PCDHA5: variants seen among roughly 807,000 people sequenced by gnomAD.
PCDHA5 encodes protocadherin alpha-5.
A neutral mutation model predicts 61.6 loss-of-function variants in PCDHA5; 43 were observed. The ratio of observed to expected loss-of-function variants is 0.70; its 90% CI spans 0.55 to 0.90. The LOEUF (loss-of-function observed/expected upper bound fraction) is 0.90. PCDHA5 is among the 40% of genes least tolerant of loss of function. The pLI is 0.00. For missense variants in PCDHA5, 1,298 were observed against 1,222.7 expected (o/e 1.06, Z -0.92); for synonymous variants, 627 against 543.9 (o/e 1.15, Z -2.13).
chr5:140,835,875 C>T (rs1356053208), intron 1 of PCDHA5: 3 of 1,611,846 alleles, frequency 1.9e-6, no homozygotes, highest in African/African-American at 2.7e-5. Flanking sequence ...GGTGGAGCTG[C>T]GGGTGGGCGA....
In PCDHA5 at chr5:140,921,062, C is replaced by T. The variant is rs377176575; in HGVS notation, c.2353-57887C>T. 1.3e-4 allele frequency among the ~76,000 whole-genome samples: 20 copies of T among 151,872 alleles called. No homozygotes were observed. The South Asian group carries it at 4.2e-3, about 32-fold the overall frequency. The stretch of plus-strand genomic sequence containing the variant: ...TGGGGCAATCATAGCTCACTCTAAC[C>T]TTGAACTCTTGGGCTCAAGAGAATC... On this transcript the variant is annotated intron_variant, in intron 1 of 3. Coordinates refer to ENST00000529859, the MANE Select transcript of PCDHA5 (RefSeq NM_018908.3).
At chr5:140,863,770 G>C (rs953823411) in intron 1 of PCDHA5, 1 of 240,010 alleles carries the variant, frequency 4.2e-6, no homozygotes, top group African/African-American at 2.3e-5. Context: ...AAGCCGAGGC[G>C]GGCGGATCAC....
intron 1 of PCDHA5, among the ~76,000 whole-genome samples, chr5:140,893,236 T>C (rs1554185562): frequency 6.6e-6 from 1 of 152,236 alleles, no homozygotes. Flanking sequence ...TTTGACATAC[T>C]GGTTTCCTTT....
At chr5:140,834,528 G>A (rs2150220380) in intron 1 of PCDHA5, 2 of 1,614,086 alleles carry the variant, frequency 1.2e-6, no homozygotes, top group Non-Finnish European at 8.5e-7. Context: ...GGGCCGCATC[G>A]CGCAGGACCT....
At chr5:140,844,047 C>T (rs2150368498) in intron 1 of PCDHA5, among the ~76,000 whole-genome samples, 3 of 149,604 alleles carry the variant, frequency 2.0e-5, no homozygotes, top group East Asian at 1.9e-4. Context: ...TGAAAGTATT[C>T]CCCCAAAGCG....
intron 1 of PCDHA5, among the ~76,000 whole-genome samples, chr5:140,970,086 G>T (rs1263388270): frequency 6.6e-6 from 1 of 152,102 alleles, no homozygotes; most frequent in Non-Finnish European, 1.5e-5. Flanking sequence ...TTAGGGGTGT[G>T]GGGGGATGGT....
chr5:140,887,043 A>G (rs1459489169), intron 1 of PCDHA5, among the ~76,000 whole-genome samples: 1 of 151,986 alleles, frequency 6.6e-6, no homozygotes, highest in Admixed American at 6.6e-5. Context: ...TATTTTTTAT[A>G]GTGCATATGT....
At chr5:140,913,212 T>G (rs113766408) in intron 1 of PCDHA5, among the ~76,000 whole-genome samples, 11,533 of 152,278 alleles carry the variant, frequency 0.076, 607 homozygotes, top group Non-Finnish European at 0.12. Flanking sequence ...AGCCAATGGG[T>G]CCCAGGCTTT....
At chr5:140,830,476 T>C in intron 1 of PCDHA5, 1 of 1,551,430 alleles carries the variant, frequency 6.4e-7, no homozygotes, top group Non-Finnish European at 8.7e-7. Flanking sequence ...ATGAAGATCA[T>C]GATGCCAAAG....
chr5:140,911,583 G>C (rs1245667621), intron 1 of PCDHA5, among the ~76,000 whole-genome samples: 4 of 152,150 alleles, frequency 2.6e-5, no homozygotes, highest in African/African-American at 7.2e-5. Context: ...GTGAACTTAG[G>C]AGGAACCAAC....
At chr5:140,884,496 G>T (rs782182672) in intron 1 of PCDHA5, 1 of 1,614,094 alleles carries the variant, frequency 6.2e-7, no homozygotes, top group Non-Finnish European at 8.5e-7. Flanking sequence ...GTGTGCTCCA[G>T]CGCGGCAGGG....
chr5:140,872,909 G>A (rs1214412416), intron 1 of PCDHA5, among the ~76,000 whole-genome samples: 7 of 152,076 alleles, frequency 4.6e-5, no homozygotes, highest in African/African-American at 1.7e-4. Flanking sequence ...GCTCTATCTT[G>A]TAATGCCTTA....
chr5:140,823,650 G>C lies in PCDHA5; in HGVS notation c.1875G>C (p.Leu625=). ...CGCGCATCCCGTTCCGCGTGGGGCT[G>C]TACACAGGCGAGATCAGCACAACAC... ...GSARIPFRVG[L]YTGEISTTRS... The change falls in exon 1 of 4, where the codon CTG becomes CTC. Residue 625 remains leucine, a synonymous_variant. Coordinates refer to ENST00000529859, the MANE Select transcript of PCDHA5 (RefSeq NM_018908.3). The C allele has an allele frequency of 6.2e-7, 1 of 1,613,996 alleles. No individual in the cohort carries two copies. Among genetic ancestry groups the C allele is most frequent in the Non-Finnish European group, 8.5e-7 (1 of 1,179,910 alleles).
In PCDHA5 at chr5:140,823,716, G is replaced by T. The variant is rs2150128476; in HGVS notation, c.1941G>T (p.Leu647=). The change falls in exon 1 of 4, where the codon CTG becomes CTT. Residue 647 remains leucine (L), a synonymous_variant. Transcript: ENST00000529859. ...DETEAPRHRL[L]VLVKDHGEPP... ...CCGAAGCACCGCGCCACCGCCTTCT[G>T]GTGCTGGTGAAGGACCATGGAGAGC... The T allele has an allele frequency of 1.2e-6, 2 of 1,613,960 alleles. No individual in the cohort carries two copies. Among genetic ancestry groups the T allele is most frequent in the Admixed American group, 3.3e-5 (2 of 60,034 alleles).
At chr5:140,971,462 A>G (rs1554233357) in intron 1 of PCDHA5, among the ~76,000 whole-genome samples, 1 of 152,184 alleles carries the variant, frequency 6.6e-6, no homozygotes, top group African/African-American at 2.4e-5. Flanking sequence ...TTTTGCAGTT[A>G]TAGGGAGAGA....
intron 3 of PCDHA5, among the ~76,000 whole-genome samples, chr5:140,987,154 C>T (rs1404083891): frequency 6.6e-6 from 1 of 150,704 alleles, no homozygotes; most frequent in Non-Finnish European, 1.5e-5. Flanking sequence ...GTGGAGGTTG[C>T]AGTGAGCTGA....
intron 1 of PCDHA5, chr5:140,862,550 G>C: frequency 2.2e-6 from 1 of 458,462 alleles, no homozygotes. Flanking sequence ...GGAAGTGGCC[G>C]AACAGTGAAC....
At chr5:141,002,726 A>C (rs1488452359) in intron 3 of PCDHA5, among the ~76,000 whole-genome samples, 1 of 152,250 alleles carries the variant, frequency 6.6e-6, no homozygotes, top group Non-Finnish European at 1.5e-5. Context: ...GGAAGGGCAC[A>C]GTAAATGTTA....
intron 1 of PCDHA5, among the ~76,000 whole-genome samples, chr5:140,890,832 T>G (rs1554184561): frequency 6.6e-6 from 1 of 152,220 alleles, no homozygotes; most frequent in African/African-American, 2.4e-5. Context: ...ACTTACATAT[T>G]TACCAGTTTT....
Sources: allele counts gnomAD v4.1 joint callset (sites outside exome capture counted in the v4.1 genomes callset), GRCh38; gene constraint gnomAD v4.1.1; transcripts MANE v1.5; gene names NCBI Gene and HGNC (gene_info 2026-07-23, HGNC 2026-07-21).